The following OXR1 variants were observed in gnomAD, a reference collection of about 807,000 sequenced individuals.
OXR1 encodes oxidation resistance protein 1.
OXR1 carries 41 observed loss-of-function variants against 104.6 expected under a neutral mutation model. That is an observed-to-expected ratio of 0.39 (90% CI 0.31 to 0.51). The LOEUF is 0.51. Ranked by LOEUF, OXR1 falls within the 20% of genes least tolerant of loss-of-function variation. OXR1 has a pLI of 0.77. For synonymous variants in OXR1, 348 were observed against 348.4 expected, an observed-to-expected ratio of 1.00 and a Z score of 0.01; for missense variants, 955 against 1,031.9, an observed-to-expected ratio of 0.93 and a Z score of 1.02.
At chr8:106,341,262 A>G (rs1815235131) in intron 1 of OXR1, among the ~76,000 whole-genome samples, 1 of 152,126 alleles carries the variant, frequency 6.6e-6, no homozygotes, top group Admixed American at 6.5e-5. Context: ...CTACGTATAA[A>G]TATGATATAC....
rs1262779080 is a variant in OXR1 at position 106,730,190 on chromosome 8, A to AT, written c.1957-7329dup. The stretch of plus-strand genomic sequence containing the variant: ...ACACAGTTTTCCCTGTTATTCACAA[A>AT]TGACATTAGTGTGATATATGTTACA... On this transcript the variant is annotated intron_variant, in intron 11 of 16. Coordinates refer to ENST00000517566, the MANE Select transcript of OXR1 (RefSeq NM_001198533.2). Among the ~76,000 whole-genome samples the AT allele has an allele frequency of 2.0e-5, 3 of 152,156 alleles. 1 individual carries two copies. The highest frequency in any genetic ancestry group is 7.2e-5 in the African/African-American group (3 of 41,400).
intron 2 of OXR1, among the ~76,000 whole-genome samples, chr8:106,477,161 T>C (rs1321568118): frequency 6.6e-6 from 1 of 152,004 alleles, no homozygotes; most frequent in African/African-American, 2.4e-5. Flanking sequence ...CTAATTACAC[T>C]TTATATGGGT....
intron 2 of OXR1, among the ~76,000 whole-genome samples, chr8:106,481,879 A>G (rs1586699505): frequency 6.6e-6 from 1 of 152,024 alleles, no homozygotes; most frequent in East Asian, 1.9e-4. Context: ...GGGTAGATGA[A>G]GTAATTCTAA....
chr8:106,295,899 A>G (rs890607724), intron 1 of OXR1, among the ~76,000 whole-genome samples: 22 of 152,164 alleles, frequency 1.4e-4, no homozygotes, highest in African/African-American at 5.1e-4. Flanking sequence ...GGATAATGCA[A>G]ACTGAACCTC....
At chr8:106,316,766 A>G (rs949823765) in intron 1 of OXR1, among the ~76,000 whole-genome samples, 5 of 145,738 alleles carry the variant, frequency 3.4e-5, no homozygotes, top group South Asian at 2.1e-4. Flanking sequence ...CTATCTATCT[A>G]TCTATCTATT....
chr8:106,392,173 G>A (rs572564165), intron 2 of OXR1, among the ~76,000 whole-genome samples: 1 of 152,278 alleles, frequency 6.6e-6, no homozygotes, highest in African/African-American at 2.4e-5. Flanking sequence ...AACCCTTGTG[G>A]TGACTGACTG....
chr8:106,297,467 A>G (rs1161730221), intron 1 of OXR1, among the ~76,000 whole-genome samples: 1 of 152,106 alleles, frequency 6.6e-6, no homozygotes, highest in African/African-American at 2.4e-5. Flanking sequence ...CCCATTATAC[A>G]CCTTGGCTAT....
intron 2 of OXR1, among the ~76,000 whole-genome samples, chr8:106,488,015 T>A (rs1810808192): frequency 1.4e-5 from 2 of 148,096 alleles, no homozygotes; most frequent in South Asian, 4.2e-4. Context: ...TCCACAATGG[T>A]TGAACTAGTT....
chr8:106,590,448 C>A (rs1223009692), intron 3 of OXR1, among the ~76,000 whole-genome samples: 1 of 152,196 alleles, frequency 6.6e-6, no homozygotes, highest in Non-Finnish European at 1.5e-5. Context: ...CCACCACACC[C>A]AGCTCATTTT....
chr8:106,642,236 A>T (rs1483322098), intron 3 of OXR1, among the ~76,000 whole-genome samples: 1 of 152,248 alleles, frequency 6.6e-6, no homozygotes, highest in Non-Finnish European at 1.5e-5. Context: ...GAAAACCAGA[A>T]TATTTTCCTA....
rs1448938362 is a variant in OXR1, at chr8:106,681,883, A to T, written c.304-1316A>T. ...ACTCCATGTAATCACCTTCCCAAAAATTTGTGCTTCATGAGTCTACTCTGG... is the reference window on the plus strand; with the variant it reads ...ACTCCATGTAATCACCTTCCCAAAATTTTGTGCTTCATGAGTCTACTCTGG... On this transcript the variant is annotated intron_variant, in intron 4 of 16. Transcript: ENST00000517566. Among the ~76,000 whole-genome samples, 3 of 152,142 alleles carry T rather than the reference A, an allele frequency of 2.0e-5. No individual in the cohort carries two copies. In the East Asian group the frequency reaches 5.8e-4, roughly 29 times the overall value.
chr8:106,427,046 C>G (rs1819155079), intron 2 of OXR1, among the ~76,000 whole-genome samples: 1 of 152,082 alleles, frequency 6.6e-6, no homozygotes. Context: ...TATACTGATT[C>G]ATGACTGTAT....
At chr8:106,274,514 C>T (rs1372170971) in intron 1 of OXR1, among the ~76,000 whole-genome samples, 1 of 152,084 alleles carries the variant, frequency 6.6e-6, no homozygotes, top group African/African-American at 2.4e-5. Flanking sequence ...CTATTCCAAT[C>T]ACCCTTACCT....
At chr8:106,325,289 C>G (rs1008274282) in intron 1 of OXR1, among the ~76,000 whole-genome samples, 7 of 152,180 alleles carry the variant, frequency 4.6e-5, no homozygotes, top group Non-Finnish European at 1.0e-4. Flanking sequence ...ATTATTCTTT[C>G]TGAATCTACA....
At chr8:106,568,827 T>G (rs1375985260) in intron 3 of OXR1, among the ~76,000 whole-genome samples, 1 of 152,138 alleles carries the variant, frequency 6.6e-6, no homozygotes, top group African/African-American at 2.4e-5. Flanking sequence ...TGTAAGACAT[T>G]AAGCATAAAC....
intron 2 of OXR1, among the ~76,000 whole-genome samples, chr8:106,435,189 A>C (rs1200380159): frequency 6.6e-6 from 1 of 152,166 alleles, no homozygotes; most frequent in Non-Finnish European, 1.5e-5. Context: ...AGGAAGACAA[A>C]GGTCAGCGTG....
At chr8:106,322,105 A>C (rs1814248857) in intron 1 of OXR1, among the ~76,000 whole-genome samples, 1 of 152,164 alleles carries the variant, frequency 6.6e-6, no homozygotes, top group Non-Finnish European at 1.5e-5. Flanking sequence ...TGTTTTGCGT[A>C]TTGAGTTTCA....
chr8:106,420,660 A>G (rs918067260), intron 2 of OXR1, among the ~76,000 whole-genome samples: 2 of 151,790 alleles, frequency 1.3e-5, no homozygotes, highest in Non-Finnish European at 2.9e-5. Flanking sequence ...TAGTACAACC[A>G]GTTAAGGTAT....
At chr8:106,535,129 A>AT (rs1475301080) in intron 3 of OXR1, among the ~76,000 whole-genome samples, 2 of 151,808 alleles carry the variant, frequency 1.3e-5, no homozygotes, top group African/African-American at 4.8e-5. Flanking sequence ...CACCCGGCTA[A>AT]TTTTTTTGTA....
Sources: allele counts gnomAD v4.1 joint callset (sites outside exome capture counted in the v4.1 genomes callset), GRCh38; gene constraint gnomAD v4.1.1; transcripts MANE v1.5; gene names NCBI Gene and HGNC (gene_info 2026-07-23, HGNC 2026-07-21).